TTYH3: variants seen among roughly 807,000 people sequenced by gnomAD.
TTYH3 encodes the protein protein tweety homolog 3.
A neutral mutation model predicts 68.2 loss-of-function variants in TTYH3; 23 were observed. The ratio of observed to expected loss-of-function variants is 0.34; its 90% CI spans 0.24 to 0.48. The LOEUF is 0.48. Ranked by LOEUF, TTYH3 falls within the 20% of genes least tolerant of loss-of-function variation. The pLI is 0.99. For synonymous variants in TTYH3, 360 were observed against 332.8 expected (o/e 1.08, Z -0.89); for missense variants, 768 against 727.7 (o/e 1.06, Z -0.64).
Position 2,636,406 on chromosome 7 carries a change from T to C in TTYH3, c.123+4128T>C, listed in dbSNP as rs568199101. Among the ~76,000 whole-genome samples, 78 of 152,162 alleles carry C rather than the reference T, an allele frequency of 5.1e-4. 1 individual carries two copies. In the South Asian group the frequency reaches 0.016, roughly 31 times the overall value. ...TGGGTTCAGTCCAAGAGCATAGAGC[T>C]GTAGGGTGGGTGTCCCTGAGAACTG... On this transcript the variant is annotated intron_variant, in intron 1 of 13. Transcript: ENST00000258796.
intron 1 of TTYH3, among the ~76,000 whole-genome samples, chr7:2,642,022 C>T (rs1346114324): frequency 6.6e-6 from 1 of 152,242 alleles, no homozygotes; most frequent in Admixed American, 6.5e-5. Flanking sequence ...CTGGCAGGGG[C>T]CCCGAAGCCT....
chr7:2,632,380 C>T, intron 1 of TTYH3, 102 bp downstream of exon 1: 2 of 1,234,622 alleles, frequency 1.6e-6, no homozygotes, highest in Non-Finnish European at 2.1e-6. Context: ...AAAGACCCCT[C>T]ATCCCCCCCT....
At position 2,647,654 on chromosome 7, in the gene TTYH3, C is replaced by A; in HGVS notation, c.626+16C>A. 1 of 1,542,308 alleles carries A rather than the reference C, an allele frequency of 6.5e-7. No homozygotes were observed. Among genetic ancestry groups the A allele is most frequent in the Non-Finnish European group, 8.8e-7 (1 of 1,139,400 alleles). ...ACTGGTACAGGTGCGGCCAGGCCCT[C>A]TTCCCTGCCCGCCCCACGTGGGAAA... On this transcript the variant is annotated intron_variant, in intron 4 of 13. Coordinates refer to ENST00000258796, the MANE Select transcript of TTYH3 (RefSeq NM_025250.3).
At chr7:2,637,957 G>A (rs1179295911) in intron 1 of TTYH3, among the ~76,000 whole-genome samples, 2 of 152,208 alleles carry the variant, frequency 1.3e-5, no homozygotes. Flanking sequence ...CAGTGCCTTC[G>A]GCCTCTGAGG....
At chr7:2,640,800 G>A (rs912061553) in intron 1 of TTYH3, among the ~76,000 whole-genome samples, 6 of 152,370 alleles carry the variant, frequency 3.9e-5, no homozygotes, top group South Asian at 2.1e-4. Context: ...CCCGTGGGCC[G>A]TCCTAAGGCC....
intron 13 of TTYH3, among the ~76,000 whole-genome samples, chr7:2,659,399 C>T (rs1786428958): frequency 6.6e-6 from 1 of 152,190 alleles, no homozygotes; most frequent in African/African-American, 2.4e-5. Context: ...TGCACCAGGC[C>T]CTCCCTGGCC....
At chr7:2,646,514 G>T (rs1268396749) in intron 1 of TTYH3, among the ~76,000 whole-genome samples, 1 of 152,198 alleles carries the variant, frequency 6.6e-6, no homozygotes, top group Admixed American at 6.5e-5. Flanking sequence ...GGACTCTGGG[G>T]ACCCGGTGGG....
At position 2,662,038 on chromosome 7, in the gene TTYH3, A is replaced by G; in HGVS notation, c.*299A>G. 1.8e-6 allele frequency: 1 copy of G among 550,212 alleles called. No individual in the cohort carries two copies. Among genetic ancestry groups the G allele is most frequent in the Non-Finnish European group, 3.3e-6 (1 of 305,090 alleles). 34.1% of individuals were successfully genotyped at this position (550,212 alleles called of 1,614,324 possible). A position where few individuals can be genotyped will look rare whatever the true frequency, so the allele number is the denominator to read the frequency against. On this transcript the variant is annotated 3_prime_UTR_variant, in exon 14 of 14. Transcript: ENST00000258796. ...CTCTGCAGATGGTCGCCGCACCTAC[A>G]AGCCCTGGCCGCACCCAACCTGTGT...
At chr7:2,654,477 A>T (rs960326155) in intron 9 of TTYH3, among the ~76,000 whole-genome samples, 1 of 136,854 alleles carries the variant, frequency 7.3e-6, no homozygotes, top group Non-Finnish European at 1.5e-5. Context: ...AATAAAAATT[A>T]TACACACACA....
chr7:2,661,509 C>G (rs1562721669), intron 13 of TTYH3, among the ~76,000 whole-genome samples, 159 bp from the exon 14 acceptor site: 1 of 152,114 alleles, frequency 6.6e-6, no homozygotes, highest in East Asian at 1.9e-4. Flanking sequence ...AGCGGCCCCT[C>G]CTTAGCCCCT....
At chr7:2,658,857 G>A (rs535605018) in intron 12 of TTYH3, 83 bp from the exon 13 acceptor site, 96 of 1,347,516 alleles carry the variant, frequency 7.1e-5, no homozygotes, top group Middle Eastern at 5.5e-4. Flanking sequence ...TGGGCACAGC[G>A]GGCCTACCCA....
In TTYH3 at chr7:2,652,201, T is replaced by G; in HGVS notation, c.886T>G (p.Tyr296Asp). The change falls in exon 8 of 14, where the codon TAC (tyrosine) becomes GAC (aspartate). Residue 296 changes from tyrosine to aspartate, a missense_variant. Physicochemically the swap from Tyr to Asp is radical, Grantham distance 160. Transcript: ENST00000258796. ...SVLSGDILQY[Y>D]LACSPRAANP... ...TCTCTCCGCAGACATCCTGCAGTACTACCTGGCCTGCTCGCCCCGCGCCGC... is the reference window on the plus strand; with the variant it reads ...TCTCTCCGCAGACATCCTGCAGTACGACCTGGCCTGCTCGCCCCGCGCCGC... The G allele has an allele frequency of 6.2e-7, 1 of 1,613,358 alleles. No individual in the cohort carries two copies. Among genetic ancestry groups the G allele is most frequent in the East Asian group, 2.2e-5 (1 of 44,892 alleles).
chr7:2,660,319 A>G (rs1484546397), intron 13 of TTYH3: 1 of 985,150 alleles, frequency 1.0e-6, no homozygotes, highest in African/African-American at 1.7e-5. Flanking sequence ...AAGTGGCCCC[A>G]GCCCCTTCTG....
At chr7:2,642,577 A>T (rs1229556381) in intron 1 of TTYH3, among the ~76,000 whole-genome samples, 2 of 150,744 alleles carry the variant, frequency 1.3e-5, no homozygotes, top group African/African-American at 4.9e-5. Flanking sequence ...AGAAAAAGAA[A>T]ATTAGCCAGG....
chr7:2,654,436 C>T (rs1786278006), intron 9 of TTYH3, among the ~76,000 whole-genome samples: 1 of 151,350 alleles, frequency 6.6e-6, no homozygotes, highest in Non-Finnish European at 1.5e-5. Context: ...ATATATATAA[C>T]ATATATACAC....
chr7:2,642,237 AT>A (rs145564702), intron 1 of TTYH3, among the ~76,000 whole-genome samples: 2,896 of 152,140 alleles, frequency 0.019, 83 homozygotes, highest in African/African-American at 0.066. Context: ...TTTACAAAAA[AT>A]TTTTTTAAAA....
intron 13 of TTYH3, chr7:2,660,103 G>A: frequency 7.2e-6 from 9 of 1,257,304 alleles, no homozygotes; most frequent in Non-Finnish European, 9.4e-6. Flanking sequence ...CCTCCACCCT[G>A]CACTCACTGC....
At chr7:2,648,111 ACCATGTTACC>A (rs1378951646) in intron 5 of TTYH3, 57 bp downstream of exon 5, 2 of 1,509,712 alleles carry the variant, frequency 1.3e-6, no homozygotes, top group East Asian at 2.3e-5. Context: ...AGGGCAAGGC[ACCATGTTACC>A]CCTTCCCCCA....
chr7:2,653,974 G>A (rs544790713), intron 9 of TTYH3, among the ~76,000 whole-genome samples: 26 of 152,306 alleles, frequency 1.7e-4, no homozygotes, highest in South Asian at 6.2e-4. Context: ...CACACACACC[G>A]CCCCAGGACT....
Sources: gnomAD v4.1 joint callset for allele counts (sites outside exome capture counted in the v4.1 genomes callset) on GRCh38, gnomAD v4.1.1 for gene constraint, MANE v1.5 for transcripts, NCBI Gene and HGNC (gene_info 2026-07-23, HGNC 2026-07-21) for gene names.